KIAA1217: variants seen among roughly 807,000 people sequenced by gnomAD.
KIAA1217 encodes KIAA1217, also known as sickle tail protein homolog.
KIAA1217 carries 88 observed loss-of-function variants against 163.9 expected under a neutral mutation model. The observed-to-expected ratio is 0.54, with a 90% confidence interval of 0.45 to 0.64. The LOEUF (loss-of-function observed/expected upper bound fraction) is 0.64, where lower values mean the gene tolerates loss of function less well. Ranked by LOEUF, KIAA1217 falls within the 30% of genes least tolerant of loss-of-function variation. The probability of loss-of-function intolerance (pLI) is 0.00; values close to 1 mark genes in which losing one functional copy is unlikely to be tolerated. For missense variants in KIAA1217, 2,372 were observed against 2,475.0 expected (o/e 0.96, Z 0.88); for synonymous variants, 903 against 923.1 (o/e 0.98, Z 0.39).
chr10:24,073,863 G>C (rs1009150283), intron 2 of KIAA1217, among the ~76,000 whole-genome samples: 1 of 152,190 alleles, frequency 6.6e-6, no homozygotes. Context: ...TTCCCAGTGG[G>C]AGGACACAGG....
At chr10:24,330,227 G>C (rs1404988680) in intron 2 of KIAA1217, among the ~76,000 whole-genome samples, 1 of 150,822 alleles carries the variant, frequency 6.6e-6, no homozygotes, top group African/African-American at 2.4e-5. Context: ...TTGAACCCAG[G>C]AGGCAGAGGT....
intron 17 of KIAA1217, among the ~76,000 whole-genome samples, chr10:24,541,556 G>A (rs1014229404): frequency 6.6e-5 from 10 of 152,160 alleles, no homozygotes; most frequent in Non-Finnish European, 1.5e-5. Context: ...TAACCAAGCA[G>A]CCTTCATGGG....
intron 1 of KIAA1217, among the ~76,000 whole-genome samples, chr10:23,961,499 A>C (rs1844818854): frequency 6.6e-6 from 1 of 152,216 alleles, no homozygotes; most frequent in Non-Finnish European, 1.5e-5. Context: ...CCCTGCATTC[A>C]GAGGTGTCTC....
intron 1 of KIAA1217, among the ~76,000 whole-genome samples, chr10:23,795,358 T>C (rs1836148699): frequency 6.6e-6 from 1 of 152,120 alleles, no homozygotes; most frequent in South Asian, 2.1e-4. Context: ...TTGGGTCCAC[T>C]TGCCCCGTGC....
chr10:24,117,735 A>T (rs779381054), intron 2 of KIAA1217, among the ~76,000 whole-genome samples: 1 of 152,224 alleles, frequency 6.6e-6, no homozygotes, highest in Non-Finnish European at 1.5e-5. Context: ...AGGGCTCTGC[A>T]GTCGTAAGCA....
At position 23,811,229 on chromosome 10, in the gene KIAA1217, C is replaced by T. The variant is rs533524199; in HGVS notation, c.-321+115995C>T. On this transcript the variant is annotated intron_variant, in intron 1 of 18. Coordinates refer to the KIAA1217 transcript ENST00000376462. ...ATAGTATAATCTATATATAGTATAGCGTGTATATATATTATATATAGTATA... is the reference window on the plus strand; with the variant it reads ...ATAGTATAATCTATATATAGTATAGTGTGTATATATATTATATATAGTATA... Among the ~76,000 whole-genome samples, 10 of 137,638 alleles carry T rather than the reference C, an allele frequency of 7.3e-5. 1 individual carries two copies. Among genetic ancestry groups the T allele is most frequent in the African/African-American group, 1.6e-4 (6 of 36,992 alleles). 90.3% of individuals were successfully genotyped at this position (137,638 alleles called of 152,430 possible).
At chr10:23,818,597 G>A (rs1837476091) in intron 1 of KIAA1217, among the ~76,000 whole-genome samples, 1 of 151,980 alleles carries the variant, frequency 6.6e-6, no homozygotes, top group South Asian at 2.1e-4. Flanking sequence ...CAGGCATTCA[G>A]CGACAGAAAC....
At chr10:24,380,819 A>G in intron 2 of KIAA1217, 50 bp from the exon 3 acceptor site, 1 of 1,328,228 alleles carries the variant, frequency 7.5e-7, no homozygotes. Flanking sequence ...TATTTTCCAC[A>G]CGATTAATAA....
At chr10:23,707,687 ATATCCTTG>A (rs1309143386) in intron 1 of KIAA1217, among the ~76,000 whole-genome samples, 2 of 152,188 alleles carry the variant, frequency 1.3e-5, no homozygotes, top group Non-Finnish European at 2.9e-5. Flanking sequence ...ACTACACAAT[ATATCCTTG>A]TAAGAAAACT....
intron 1 of KIAA1217, among the ~76,000 whole-genome samples, chr10:23,709,870 G>A (rs537593251): frequency 1.3e-5 from 2 of 152,286 alleles, no homozygotes; most frequent in African/African-American, 2.4e-5. Flanking sequence ...GTGCCATGTT[G>A]TCACTAGCTG....
At chr10:24,255,064 A>G (rs1458317528) in intron 2 of KIAA1217, among the ~76,000 whole-genome samples, 2 of 152,118 alleles carry the variant, frequency 1.3e-5, no homozygotes, top group African/African-American at 4.8e-5. Context: ...CATGTTGGCC[A>G]GGCTGGTCTC....
intron 2 of KIAA1217, among the ~76,000 whole-genome samples, chr10:24,279,194 G>T (rs1006783836): frequency 1.3e-5 from 2 of 151,768 alleles, no homozygotes; most frequent in Admixed American, 1.3e-4. Context: ...ACAGTGCAGG[G>T]ATTCCCCATT....
chr10:23,712,915 A>T (rs1261268942), intron 1 of KIAA1217, among the ~76,000 whole-genome samples: 1 of 152,122 alleles, frequency 6.6e-6, no homozygotes, highest in East Asian at 1.9e-4. Flanking sequence ...ATTGCCTCTT[A>T]AGAAGACAGA....
chr10:24,200,076 C>G (rs6482372), intron 2 of KIAA1217, among the ~76,000 whole-genome samples: 1,742 of 152,160 alleles, frequency 0.011, 29 homozygotes, highest in African/African-American at 0.04. Context: ...TTCAATGTCT[C>G]CACTCCTGCT....
chr10:24,185,878 C>T (rs150679482), intron 2 of KIAA1217, among the ~76,000 whole-genome samples: 2,319 of 151,350 alleles, frequency 0.015, 62 homozygotes, highest in African/African-American at 0.052. Flanking sequence ...ACAGGAGAAT[C>T]GCTGGAACCT....
intron 1 of KIAA1217, among the ~76,000 whole-genome samples, chr10:23,927,033 G>A (rs1381801909): frequency 1.3e-5 from 2 of 151,364 alleles, no homozygotes; most frequent in Non-Finnish European, 2.9e-5. Context: ...TCAGCCTCCC[G>A]AGTACCTGGA....
chr10:23,800,869 T>C (rs1037216286), intron 1 of KIAA1217, among the ~76,000 whole-genome samples: 5 of 152,184 alleles, frequency 3.3e-5, no homozygotes, highest in African/African-American at 1.2e-4. Context: ...ACTTTTACAC[T>C]GTTGGTGGGA....
chr10:24,097,990 C>T (rs1174256008), intron 2 of KIAA1217, among the ~76,000 whole-genome samples: 1 of 151,940 alleles, frequency 6.6e-6, no homozygotes, highest in Non-Finnish European at 1.5e-5. Context: ...AACACGCCTC[C>T]TTTTCTGCTT....
At chr10:24,136,605 G>C (rs750034299) in intron 2 of KIAA1217, among the ~76,000 whole-genome samples, 39 of 152,228 alleles carry the variant, frequency 2.6e-4, no homozygotes, top group Admixed American at 1.8e-3. Context: ...CACCTTTGCT[G>C]AAAATATTTT....
Sources: allele counts gnomAD v4.1 joint callset (sites outside exome capture counted in the v4.1 genomes callset), GRCh38; gene constraint gnomAD v4.1.1; transcripts MANE v1.5; gene names NCBI Gene and HGNC (gene_info 2026-07-23, HGNC 2026-07-21).